BICDL1: variants seen among roughly 807,000 people sequenced by gnomAD.
BICDL1 encodes BICD family-like cargo adapter 1.
BICDL1 carries 20 observed loss-of-function variants against 76.8 expected under a neutral mutation model. The observed-to-expected ratio is 0.26, with a 90% CI of 0.18 to 0.38. The LOEUF (loss-of-function observed/expected upper bound fraction) is 0.38, where lower values mean the gene tolerates loss of function less well. Among genes scored for constraint, BICDL1 ranks in the 10% least tolerant of loss-of-function variants. The probability of loss-of-function intolerance (pLI) is 1.00; values close to 1 mark genes in which losing one functional copy is unlikely to be tolerated. For synonymous variants in BICDL1, 383 were observed against 337.1 expected, an observed-to-expected ratio of 1.14 and a Z score of -1.49; for missense variants, 700 against 798.6, an observed-to-expected ratio of 0.88 and a Z score of 1.49.
intron 9 of BICDL1, 180 bp downstream of exon 9, chr12:120,090,251 T>A: frequency 1.5e-6 from 1 of 682,820 alleles, no homozygotes. Flanking sequence ...GAAGAATGCT[T>A]AAGGATGCTT....
intron 6 of BICDL1, 34 bp downstream of exon 6, chr12:120,072,763 C>A: frequency 6.3e-7 from 1 of 1,583,920 alleles, no homozygotes; most frequent in East Asian, 2.2e-5. Context: ...CCTTACCCCA[C>A]AGGAGCTGGC....
At chr12:120,007,828 C>G (rs1951878263) in intron 2 of BICDL1, among the ~76,000 whole-genome samples, 1 of 152,200 alleles carries the variant, frequency 6.6e-6, no homozygotes, top group African/African-American at 2.4e-5. Context: ...CACCACTCTG[C>G]CTCTGTTGAG....
At position 120,074,423 on chromosome 12, in the gene BICDL1, T is replaced by C; in HGVS notation, c.1309-20T>C. 3 of 1,178,770 alleles carry C rather than the reference T, an allele frequency of 2.5e-6. No individual in the cohort carries two copies. Among genetic ancestry groups the C allele is most frequent in the South Asian group, 3.2e-5 (2 of 62,414 alleles). The allele number at this position is 1,178,770 out of a possible 1,614,324, so 73.0% of individuals were successfully genotyped here. A position where few individuals can be genotyped will look rare whatever the true frequency, so the allele number is the denominator to read the frequency against. On this transcript the variant is annotated intron_variant, in intron 6 of 9. Transcript: ENST00000548673. ...TGTACCCTTACCATATCTGTCTGGC[T>C]GTCTTTCTTTTACTGTCAGGGCTCC...
chr12:120,012,621 T>G (rs570188292), intron 2 of BICDL1, among the ~76,000 whole-genome samples: 4 of 152,328 alleles, frequency 2.6e-5, no homozygotes, highest in African/African-American at 9.6e-5. Flanking sequence ...GCATATGTCT[T>G]TCCCTTTACA....
chr12:120,010,375 A>T (rs1951929076), intron 2 of BICDL1, among the ~76,000 whole-genome samples: 1 of 152,216 alleles, frequency 6.6e-6, no homozygotes, highest in Non-Finnish European at 1.5e-5. Flanking sequence ...AATTTTTCTT[A>T]ATTGAGTTTA....
intron 2 of BICDL1, among the ~76,000 whole-genome samples, chr12:120,055,075 A>G (rs907152971): frequency 6.6e-6 from 1 of 152,192 alleles, no homozygotes; most frequent in African/African-American, 2.4e-5. Context: ...AAATGTCGTC[A>G]TCCTCATTGT....
Position 120,071,470 on chromosome 12 carries a change from G to A in BICDL1, c.910-152G>A, listed in dbSNP as rs1873100110. The A allele has an allele frequency of 2.6e-6, 3 of 1,133,408 alleles. No individual in the cohort carries two copies. Among genetic ancestry groups the A allele is most frequent in the South Asian group, 1.8e-5 (1 of 56,046 alleles). The allele number at this position is 1,133,408 out of a possible 1,614,324, so 70.2% of individuals were successfully genotyped here. A position where few individuals can be genotyped will look rare whatever the true frequency, so the allele number is the denominator to read the frequency against. On this transcript the variant is annotated intron_variant, in intron 4 of 9. Transcript: ENST00000548673. The surrounding 1 kb of genome is among the most constrained non-coding windows in gnomAD (Gnocchi z 4.8). Reference sequence around the variant, plus strand: ...ATTTTCTAGATCTGGATTTTGCTGAGTGCATCTCCTGATGTAGTTTAACAT... The same window carrying A: ...ATTTTCTAGATCTGGATTTTGCTGAATGCATCTCCTGATGTAGTTTAACAT...
intron 8 of BICDL1, among the ~76,000 whole-genome samples, chr12:120,084,950 C>A (rs541668141): frequency 3.3e-5 from 5 of 152,116 alleles, no homozygotes; most frequent in African/African-American, 1.2e-4. Context: ...CTTTCCCCCT[C>A]CCTTCTGTTC....
At chr12:119,993,663 C>G (rs984041724) in intron 1 of BICDL1, among the ~76,000 whole-genome samples, 5 of 150,900 alleles carry the variant, frequency 3.3e-5, no homozygotes, top group African/African-American at 1.2e-4. Context: ...GTTGCCCAGG[C>G]TGGAGTGCAG....
At chr12:120,031,828 A>G (rs546063240) in intron 2 of BICDL1, among the ~76,000 whole-genome samples, 15 of 152,168 alleles carry the variant, frequency 9.9e-5, no homozygotes, top group Non-Finnish European at 2.2e-4. Context: ...GCATTGGCTC[A>G]CACCTGTAAT....
intron 2 of BICDL1, among the ~76,000 whole-genome samples, chr12:120,022,619 A>G (rs1418001575): frequency 6.6e-6 from 1 of 152,018 alleles, no homozygotes; most frequent in Admixed American, 6.6e-5. Flanking sequence ...CTGGCATAAC[A>G]GAGACCAGGT....
intron 3 of BICDL1, among the ~76,000 whole-genome samples, chr12:120,062,305 A>C (rs1479377840): frequency 1.3e-5 from 2 of 152,202 alleles, no homozygotes; most frequent in East Asian, 3.9e-4. Flanking sequence ...GAACCATAGG[A>C]GAGGCCAGAA....
rs375798513 is a variant in BICDL1 at position 120,085,414 on chromosome 12, AAC to A, written c.1583+4399_1583+4400del. The stretch of plus-strand genomic sequence containing the variant: ...GTGAGGCCCTATCTCAAAAAAAAGT[AAC>A]AGTGTGATAGAGGAGGCAGCATACC... On this transcript the variant is annotated intron_variant, in intron 8 of 9. Coordinates refer to ENST00000548673, the MANE Select transcript of BICDL1 (RefSeq NM_001367886.1). 3.1e-3 allele frequency among the ~76,000 whole-genome samples: 476 copies of A among 152,336 alleles called. 1 individual carries two copies. The highest frequency in any genetic ancestry group is 9.8e-3 in the African/African-American group (406 of 41,578).
At chr12:119,996,811 A>T (rs1239702005) in intron 1 of BICDL1, among the ~76,000 whole-genome samples, 2 of 152,206 alleles carry the variant, frequency 1.3e-5, no homozygotes, top group Non-Finnish European at 2.9e-5. Context: ...TGAGAGCATC[A>T]AAAGTTCAGG....
At chr12:120,067,843 G>GT (rs923897791) in intron 4 of BICDL1, among the ~76,000 whole-genome samples, 3 of 152,322 alleles carry the variant, frequency 2.0e-5, no homozygotes, top group African/African-American at 7.2e-5. Flanking sequence ...AGGAATGTCT[G>GT]TTTTTTCCTG....
At chr12:120,008,934 C>T (rs1477746579) in intron 2 of BICDL1, among the ~76,000 whole-genome samples, 10 of 149,934 alleles carry the variant, frequency 6.7e-5, no homozygotes, top group Admixed American at 6.6e-4. Flanking sequence ...CTTATTCTTC[C>T]GGCATAGAGG....
chr12:120,060,571 G>C (rs1422072719), intron 2 of BICDL1, among the ~76,000 whole-genome samples: 1 of 151,994 alleles, frequency 6.6e-6, no homozygotes, highest in African/African-American at 2.4e-5. Context: ...AAGGTTAGAG[G>C]GTATTTAAAT....
chr12:120,006,964 G>C (rs1443504691), intron 2 of BICDL1, among the ~76,000 whole-genome samples: 1 of 152,162 alleles, frequency 6.6e-6, no homozygotes, highest in African/African-American at 2.4e-5. Context: ...TCCCCAGGTA[G>C]AGTTGATGGT....
At position 119,989,842 on chromosome 12, in the gene BICDL1, C is replaced by T. The variant is rs1594077375; in HGVS notation, c.-27C>T. The stretch of plus-strand genomic sequence containing the variant: ...CCTGGCGCGCGCGGGCCGGGCCGCA[C>T]CGCTGCGGGCTCCGCGCGCGCGGGC... On this transcript the variant is annotated 5_prime_UTR_variant, in exon 1 of 10. Coordinates refer to ENST00000548673, the MANE Select transcript of BICDL1 (RefSeq NM_001367886.1). 5 of 1,288,904 alleles carry T rather than the reference C, an allele frequency of 3.9e-6. No individual in the cohort carries two copies. In the East Asian group the frequency reaches 1.4e-4, roughly 36 times the overall value. 79.8% of individuals were successfully genotyped at this position (1,288,904 alleles called of 1,614,324 possible). A position where few individuals can be genotyped will look rare whatever the true frequency, so the allele number is the denominator to read the frequency against.
Sources: allele counts gnomAD v4.1 joint callset (sites outside exome capture counted in the v4.1 genomes callset), GRCh38; gene constraint gnomAD v4.1.1; non-coding constraint Gnocchi (gnomAD v3.1); transcripts MANE v1.5; gene names NCBI Gene and HGNC (gene_info 2026-07-23, HGNC 2026-07-21).